The following TOX variants were observed in gnomAD, a reference collection of about 807,000 sequenced individuals.
The protein encoded by TOX is thymocyte selection-associated high mobility group box protein TOX.
TOX carries 11 observed loss-of-function variants against 53.7 expected under a neutral mutation model. The ratio of observed to expected loss-of-function variants is 0.20; its 90% confidence interval spans 0.13 to 0.34. The LOEUF is 0.34. Ranked by LOEUF, TOX falls within the 10% of genes least tolerant of loss-of-function variation. TOX has a pLI of 1.00. For synonymous variants in TOX, 225 were observed against 245.3 expected, an observed-to-expected ratio of 0.92 and a Z score of 0.77; for missense variants, 570 against 664.6, an observed-to-expected ratio of 0.86 and a Z score of 1.56.
At chr8:58,865,154 G>A (rs1254003062) in intron 3 of TOX, among the ~76,000 whole-genome samples, 2 of 152,202 alleles carry the variant, frequency 1.3e-5, no homozygotes, top group Non-Finnish European at 1.5e-5. Context: ...CAAAGCCTGT[G>A]GAACCATTTC....
At chr8:58,866,297 C>CA (rs1811100850) in intron 3 of TOX, among the ~76,000 whole-genome samples, 1 of 152,184 alleles carries the variant, frequency 6.6e-6, no homozygotes, top group Non-Finnish European at 1.5e-5. Context: ...ACATACTCAT[C>CA]AAGCAGTGGT....
At chr8:58,983,948 C>A (rs10504271) in intron 1 of TOX, among the ~76,000 whole-genome samples, 108,283 of 152,176 alleles carry the variant, frequency 0.71, 39,440 homozygotes, top group South Asian at 0.83. Flanking sequence ...GTGTCCCTGA[C>A]ATCCAGAGCC....
rs68047111 is a variant in TOX at position 58,851,185 on chromosome 8, TCACA to T, written c.693+335_693+338del. Among the ~76,000 whole-genome samples the T allele has an allele frequency of 0.024, 3,351 of 140,722 alleles. 98 individuals are homozygous for T. The highest frequency in any genetic ancestry group is 0.11 in the East Asian group (558 of 4,876). The allele number at this position is 140,722 out of a possible 152,430, so 92.3% of individuals were successfully genotyped here. A position where few individuals can be genotyped will look rare whatever the true frequency, so the allele number is the denominator to read the frequency against. ...CTCTCTCTCTCTCTCTCTCTCTCTC[TCACA>T]CACACACACACACACACACACACGA... On this transcript the variant is annotated intron_variant, in intron 4 of 8. Coordinates refer to ENST00000361421, the MANE Select transcript of TOX (RefSeq NM_014729.3). The surrounding 1 kb of genome is among the most constrained non-coding windows in gnomAD (Gnocchi z 4.4).
intron 3 of TOX, among the ~76,000 whole-genome samples, chr8:58,894,231 G>T (rs977894078): frequency 6.6e-6 from 1 of 152,200 alleles, no homozygotes; most frequent in African/African-American, 2.4e-5. Flanking sequence ...AATCTTTGCT[G>T]ATTGCACACC....
At chr8:59,113,090 C>A (rs1563450578) in intron 1 of TOX, among the ~76,000 whole-genome samples, 1 of 152,174 alleles carries the variant, frequency 6.6e-6, no homozygotes. Flanking sequence ...TTCTAGTTAT[C>A]TATGTATATT....
chr8:59,073,770 A>T (rs1236299895), intron 1 of TOX, among the ~76,000 whole-genome samples: 1 of 152,112 alleles, frequency 6.6e-6, no homozygotes, highest in Non-Finnish European at 1.5e-5. Context: ...TGTTCCATCT[A>T]GAAATGACAT....
intron 4 of TOX, among the ~76,000 whole-genome samples, chr8:58,842,064 C>T (rs1810654102): frequency 6.6e-6 from 1 of 152,050 alleles, no homozygotes; most frequent in Admixed American, 6.6e-5. Flanking sequence ...AAAGATTTCC[C>T]CACATTATTT....
chr8:59,003,261 T>G (rs1193870660), intron 1 of TOX, among the ~76,000 whole-genome samples: 1 of 152,240 alleles, frequency 6.6e-6, no homozygotes, highest in Non-Finnish European at 1.5e-5. Context: ...TTCAATGCCT[T>G]TTTTCTATTT....
At position 58,806,069 on chromosome 8, in the gene TOX, C is replaced by T. The variant is rs1459125562; in HGVS notation, c.*1678G>A. The T allele has an allele frequency of 6.6e-6, 1 of 152,322 alleles. No homozygotes were observed. Among genetic ancestry groups the T allele is most frequent in the Non-Finnish European group, 1.5e-5 (1 of 68,028 alleles). The allele number at this position is 152,322 out of a possible 1,614,324, so 9.4% of individuals were successfully genotyped here. On this transcript the variant is annotated 3_prime_UTR_variant, in exon 9 of 9. Transcript: ENST00000361421. The stretch of plus-strand genomic sequence containing the variant: ...GATCCCCTAAAAAGGAGTAAATCTG[C>T]TAGCTTTTTCTTTTTTTAATGTGAA...
chr8:59,012,624 A>C (rs1277794378), intron 1 of TOX, among the ~76,000 whole-genome samples: 1 of 152,218 alleles, frequency 6.6e-6, no homozygotes, highest in Non-Finnish European at 1.5e-5. Context: ...CTGGAATTAT[A>C]ACTAATGGTA....
intron 1 of TOX, among the ~76,000 whole-genome samples, chr8:58,990,253 G>T (rs1335738236): frequency 6.6e-6 from 1 of 152,054 alleles, no homozygotes; most frequent in Admixed American, 6.5e-5. Context: ...AAATTCAGAT[G>T]GGATTTGACT....
intron 1 of TOX, among the ~76,000 whole-genome samples, chr8:59,029,742 G>A (rs561357155): frequency 2.6e-5 from 4 of 152,178 alleles, no homozygotes; most frequent in Non-Finnish European, 5.9e-5. Flanking sequence ...ATCCAGCCAA[G>A]AGTGAAAGAA....
chr8:59,061,724 T>C (rs552209444), intron 1 of TOX, among the ~76,000 whole-genome samples: 1 of 151,782 alleles, frequency 6.6e-6, no homozygotes, highest in Admixed American at 6.6e-5. Flanking sequence ...CACTTTCCTA[T>C]ATATATCTAG....
chr8:59,119,048 A>G lies in TOX; in HGVS notation c.-61T>C, dbSNP rs748374382. On this transcript the variant is annotated 5_prime_UTR_variant, in exon 1 of 9. Transcript: ENST00000361421. The stretch of plus-strand genomic sequence containing the variant: ...CTTTTTTAAAAAAAAGTGTTCAGCA[A>G]AACAAGCTTAGACGGAACAGAGTGA... 1.8e-5 allele frequency: 22 copies of G among 1,224,686 alleles called. No individual in the cohort carries two copies. The Admixed American group carries it at 3.8e-4, about 21-fold the overall frequency. The allele number at this position is 1,224,686 out of a possible 1,614,324, so 75.9% of individuals were successfully genotyped here. A position where few individuals can be genotyped will look rare whatever the true frequency, so the allele number is the denominator to read the frequency against.
At chr8:58,978,336 G>A (rs908101293) in intron 1 of TOX, among the ~76,000 whole-genome samples, 6 of 152,272 alleles carry the variant, frequency 3.9e-5, no homozygotes, top group African/African-American at 1.4e-4. Flanking sequence ...AATGTTGACA[G>A]GAAAAAATCT....
chr8:58,845,002 T>A (rs1224367794), intron 4 of TOX, among the ~76,000 whole-genome samples: 1 of 152,114 alleles, frequency 6.6e-6, no homozygotes, highest in Non-Finnish European at 1.5e-5. Flanking sequence ...AAAACAATAA[T>A]CTTTCACTTT....
chr8:59,097,062 T>C (rs533544112), intron 1 of TOX, among the ~76,000 whole-genome samples: 24 of 152,294 alleles, frequency 1.6e-4, no homozygotes, highest in African/African-American at 4.8e-4. Context: ...TTGGGACTCA[T>C]TGGTGACTGG....
intron 2 of TOX, among the ~76,000 whole-genome samples, chr8:58,948,656 A>G (rs1290137289): frequency 6.6e-6 from 1 of 152,170 alleles, no homozygotes; most frequent in Non-Finnish European, 1.5e-5. Flanking sequence ...TAAAGGGGTA[A>G]CTGAAGTATT....
chr8:58,959,791 A>G, intron 2 of TOX, 152 bp downstream of exon 2: 1 of 885,424 alleles, frequency 1.1e-6, no homozygotes, highest in Non-Finnish European at 1.8e-6. Context: ...GCTCTATCTC[A>G]TTAACTGGAA....
Sources: gnomAD v4.1 joint callset for allele counts (sites outside exome capture counted in the v4.1 genomes callset) on GRCh38, gnomAD v4.1.1 for gene constraint, Gnocchi (gnomAD v3.1) non-coding constraint, MANE v1.5 for transcripts, NCBI Gene and HGNC (gene_info 2026-07-23, HGNC 2026-07-21) for gene names.